Variants in CAMTA1 observed in about 807,000 individuals in gnomAD.
CAMTA1 encodes the protein calmodulin binding transcription activator 1.
In CAMTA1, 27 loss-of-function variants were observed where a neutral mutation model predicts 170.9. The ratio of observed to expected loss-of-function variants is 0.16; its 90% CI spans 0.12 to 0.22. CAMTA1 has a LOEUF of 0.22. CAMTA1 is among the 10% of genes least tolerant of loss of function. The pLI, the probability that CAMTA1 is intolerant of heterozygous loss-of-function variation, is 1.00. For synonymous variants in CAMTA1, 833 were observed against 891.5 expected (o/e 0.93, Z 1.17); for missense variants, 1,619 against 2,217.2 (o/e 0.73, Z 5.42).
chr1:7,666,291 CA>C (rs1294099241), intron 9 of CAMTA1, among the ~76,000 whole-genome samples: 1 of 152,162 alleles, frequency 6.6e-6, no homozygotes, highest in Non-Finnish European at 1.5e-5. Context: ...GAACAGGGCA[CA>C]GCTTCTGAAG....
chr1:7,278,888 A>G (rs1485999027), intron 5 of CAMTA1, among the ~76,000 whole-genome samples: 2 of 152,348 alleles, frequency 1.3e-5, no homozygotes, highest in Non-Finnish European at 2.9e-5. Context: ...GAACTCTAAG[A>G]TCTGAGAGCA....
chr1:6,874,346 A>G (rs1669226766), intron 3 of CAMTA1: 1 of 152,314 alleles, frequency 6.6e-6, no homozygotes. Context: ...TGACCACAGC[A>G]AATCACCCAA....
chr1:7,119,459 C>T (rs147776367), intron 4 of CAMTA1, among the ~76,000 whole-genome samples: 3 of 152,252 alleles, frequency 2.0e-5, no homozygotes, highest in African/African-American at 2.4e-5. Flanking sequence ...CAGTGAACAG[C>T]GGGGGGCATC....
chr1:7,385,592 C>CG (rs770795064), intron 5 of CAMTA1, among the ~76,000 whole-genome samples: 308 of 152,218 alleles, frequency 2.0e-3, no homozygotes, highest in Non-Finnish European at 3.5e-3. Flanking sequence ...GGGAGAGCCC[C>CG]GGGGGGAAGA....
chr1:6,854,905 A>G (rs1406660433), intron 3 of CAMTA1, among the ~76,000 whole-genome samples: 1 of 152,182 alleles, frequency 6.6e-6, no homozygotes, highest in Non-Finnish European at 1.5e-5. Context: ...AGCAAACACC[A>G]TGTTTACTGG....
chr1:7,104,215 A>G (rs563592884), intron 4 of CAMTA1, among the ~76,000 whole-genome samples: 1 of 151,174 alleles, frequency 6.6e-6, no homozygotes, highest in East Asian at 1.9e-4. Flanking sequence ...ACACACATGT[A>G]CACACAACAC....
chr1:7,127,993 C>G (rs972661589), intron 4 of CAMTA1, among the ~76,000 whole-genome samples: 2 of 152,186 alleles, frequency 1.3e-5, no homozygotes, highest in Non-Finnish European at 2.9e-5. Context: ...CCGTTTATGC[C>G]GAGCACTGGC....
Position 7,674,308 on chromosome 1 carries a change from GCCCA to G in CAMTA1, c.2779+3274_2779+3277del, listed in dbSNP as rs1308774608. 6.6e-6 allele frequency among the ~76,000 whole-genome samples: 1 copy of G among 151,898 alleles called. No individual in the cohort carries two copies. Among genetic ancestry groups the G allele is most frequent in the African/African-American group, 2.4e-5 (1 of 41,314 alleles). ...CAGGGTGCTTCAGGGGCAGGAGGGA[GCCCA>G]CCAAGTTAGGGCAGTGAGCTGAGGG... On this transcript the variant is annotated intron_variant, in intron 10 of 22. Coordinates refer to ENST00000303635, the MANE Select transcript of CAMTA1 (RefSeq NM_015215.4). The surrounding 1 kb of genome is among the most constrained non-coding windows in gnomAD (Gnocchi z 4.1).
chr1:7,405,226 G>A (rs845204), intron 5 of CAMTA1, among the ~76,000 whole-genome samples: 116,916 of 151,990 alleles, frequency 0.77, 46,018 homozygotes, highest in African/African-American at 0.91. Context: ...AGAGGACCAG[G>A]CTTGGGGGCC....
rs144520072 is a variant in CAMTA1 at position 7,663,323 on chromosome 1, C to T, written c.806-30C>T. Reference sequence around the variant, plus strand: ...GTGTGCACATGTGTGCCTGCGTGTGCGTGCGCGTGTTGTGTTCCGATCTCC... The same window carrying T: ...GTGTGCACATGTGTGCCTGCGTGTGTGTGCGCGTGTTGTGTTCCGATCTCC... On this transcript the variant is annotated intron_variant, in intron 8 of 22. Transcript: ENST00000303635. The T allele has an allele frequency of 9.6e-5, 146 of 1,515,170 alleles. No homozygotes were observed. The East Asian group carries it at 3.0e-3, about 31-fold the overall frequency. The allele number at this position is 1,515,170 out of a possible 1,614,324, so 93.9% of individuals were successfully genotyped here.
intron 8 of CAMTA1, 80 bp from the exon 9 acceptor site, chr1:7,663,273 G>C: frequency 6.7e-7 from 1 of 1,490,004 alleles, no homozygotes; most frequent in Non-Finnish European, 9.0e-7. Context: ...TCCTAGCTCT[G>C]ACTCTCTTTT....
intron 7 of CAMTA1, among the ~76,000 whole-genome samples, chr1:7,645,530 C>T (rs2095796823): frequency 6.6e-6 from 1 of 152,272 alleles, no homozygotes; most frequent in Non-Finnish European, 1.5e-5. Flanking sequence ...TGTCCCAGCT[C>T]TCCCACCTGG....
At chr1:7,492,781 A>C (rs1293985746) in intron 6 of CAMTA1, among the ~76,000 whole-genome samples, 1 of 148,580 alleles carries the variant, frequency 6.7e-6, no homozygotes, top group Non-Finnish European at 1.5e-5. Flanking sequence ...ACAAGTGCAC[A>C]CACAAACACA....
intron 1 of CAMTA1, among the ~76,000 whole-genome samples, chr1:6,806,134 A>C (rs1334410935): frequency 6.6e-6 from 1 of 152,080 alleles, no homozygotes; most frequent in Non-Finnish European, 1.5e-5. Context: ...TCCTCACTGA[A>C]GTGTCTTGGC....
intron 4 of CAMTA1, among the ~76,000 whole-genome samples, chr1:7,102,811 G>T (rs1642898673): frequency 1.3e-5 from 2 of 152,106 alleles, no homozygotes; most frequent in African/African-American, 2.4e-5. Context: ...TGGGGAATGG[G>T]TGTCATCTTC....
intron 3 of CAMTA1, among the ~76,000 whole-genome samples, chr1:6,845,482 A>G (rs1657717889): frequency 6.6e-6 from 1 of 152,248 alleles, no homozygotes; most frequent in African/African-American, 2.4e-5. Context: ...TGCAATAGTG[A>G]TGGTTGCACA....
rs763188050 is a variant in CAMTA1, at chr1:7,664,069, G to C, written c.1522G>C (p.Val508Leu). The C allele has an allele frequency of 1.9e-6, 3 of 1,613,710 alleles. No individual in the cohort carries two copies. The highest frequency in any genetic ancestry group is 2.5e-6 in the Non-Finnish European group (3 of 1,180,042). Residue 508 changes from valine to leucine, a missense_variant, in exon 9 of 23, where the codon GTC (valine) becomes CTC (leucine). Around this residue, in one of 8 missense-constraint regions of CAMTA1, gnomAD observed 731 missense variants for 907.6 expected, o/e 0.81. Coordinates refer to ENST00000303635, the MANE Select transcript of CAMTA1 (RefSeq NM_015215.4). The part of the protein sequence containing the change: ...YGGGGLKAEM[V>L]SSNIRHSPPG... Reference sequence around the variant, plus strand: ...GGGTGGAGGCCTGAAAGCCGAGATGGTCAGCTCCAACATCCGGCACTCGCC... The same window carrying C: ...GGGTGGAGGCCTGAAAGCCGAGATGCTCAGCTCCAACATCCGGCACTCGCC...
intron 3 of CAMTA1, among the ~76,000 whole-genome samples, chr1:6,995,318 T>TTG (rs1697078878): frequency 7.3e-6 from 1 of 137,618 alleles, no homozygotes; most frequent in African/African-American, 2.9e-5. Flanking sequence ...TTTTTTTTTT[T>TTG]TGAGATGGAG....
At chr1:7,521,662 C>G (rs1048941096) in intron 6 of CAMTA1, among the ~76,000 whole-genome samples, 28 of 152,182 alleles carry the variant, frequency 1.8e-4, no homozygotes, top group African/African-American at 6.0e-4. Flanking sequence ...AATTCTCCTG[C>G]CTCAGCCTCC....
Sources: gnomAD v4.1 joint callset for allele counts (sites outside exome capture counted in the v4.1 genomes callset) on GRCh38, gnomAD v4.1.1 for gene constraint, gnomAD v4.1.1 regional missense constraint, Gnocchi (gnomAD v3.1) non-coding constraint, MANE v1.5 for transcripts, NCBI Gene and HGNC (gene_info 2026-07-23, HGNC 2026-07-21) for gene names.